KCTD8: variants seen among roughly 807,000 people sequenced by gnomAD.
The protein encoded by KCTD8 is potassium channel tetramerization domain containing 8, also known as BTB/POZ domain-containing protein KCTD8.
A neutral mutation model predicts 31.5 loss-of-function variants in KCTD8; 27 were observed. The ratio of observed to expected loss-of-function variants is 0.86; its 90% confidence interval spans 0.63 to 1.18. KCTD8 has a LOEUF of 1.18. Ranked by LOEUF, KCTD8 falls within the 50% of genes most tolerant of loss-of-function variation. KCTD8 has a pLI of 0.00. For missense variants in KCTD8, 658 were observed against 647.7 expected (o/e 1.02, Z -0.17); for synonymous variants, 290 against 280.0 (o/e 1.04, Z -0.36).
chr4:44,188,224 T>C (rs994006406), intron 1 of KCTD8, among the ~76,000 whole-genome samples: 2 of 152,176 alleles, frequency 1.3e-5, no homozygotes, highest in African/African-American at 4.8e-5. Flanking sequence ...TTCTTTTCAC[T>C]TTGAAATTTA....
intron 1 of KCTD8, among the ~76,000 whole-genome samples, chr4:44,359,318 C>T (rs1406588427): frequency 6.6e-6 from 1 of 151,958 alleles, no homozygotes; most frequent in Admixed American, 6.6e-5. Context: ...TATTAACTGG[C>T]TTTCCCTGAA....
chr4:44,438,008 C>T (rs1368542646), intron 1 of KCTD8, among the ~76,000 whole-genome samples: 1 of 152,076 alleles, frequency 6.6e-6, no homozygotes, highest in Non-Finnish European at 1.5e-5. Flanking sequence ...GCCACTGTAG[C>T]AACTTTTCTT....
chr4:44,358,681 G>C (rs974018994), intron 1 of KCTD8, among the ~76,000 whole-genome samples: 3 of 151,808 alleles, frequency 2.0e-5, no homozygotes, highest in African/African-American at 7.3e-5. Context: ...CCATTCTCCT[G>C]CCTCAGCCTC....
chr4:44,280,112 A>T (rs1250939144), intron 1 of KCTD8, among the ~76,000 whole-genome samples: 2 of 152,090 alleles, frequency 1.3e-5, no homozygotes, highest in African/African-American at 4.8e-5. Flanking sequence ...TAGGTAATTT[A>T]TAGTAGAGAG....
At chr4:44,389,106 T>C (rs1389727102) in intron 1 of KCTD8, among the ~76,000 whole-genome samples, 1 of 151,606 alleles carries the variant, frequency 6.6e-6, no homozygotes, top group African/African-American at 2.4e-5. Flanking sequence ...GAGAGCAGCA[T>C]GATGGTTACT....
chr4:44,303,787 TG>T (rs1422444111), intron 1 of KCTD8, among the ~76,000 whole-genome samples: 1 of 151,714 alleles, frequency 6.6e-6, no homozygotes, highest in East Asian at 1.9e-4. Context: ...CACTCCAGCC[TG>T]GGGGACAGAG....
chr4:44,186,720 G>A (rs1713600944), intron 1 of KCTD8, among the ~76,000 whole-genome samples: 1 of 152,166 alleles, frequency 6.6e-6, no homozygotes, highest in African/African-American at 2.4e-5. Flanking sequence ...GCCCTGCCAG[G>A]GGGACAAGGG....
chr4:44,427,684 T>C (rs73812287), intron 1 of KCTD8, among the ~76,000 whole-genome samples: 16,040 of 151,546 alleles, frequency 0.11, 1,783 homozygotes, highest in African/African-American at 0.27. Flanking sequence ...AAATAGTATA[T>C]AATATTAACA....
chr4:44,235,746 C>T (rs1182383200), intron 1 of KCTD8, among the ~76,000 whole-genome samples: 1 of 151,214 alleles, frequency 6.6e-6, no homozygotes, highest in East Asian at 2.0e-4. Flanking sequence ...TCATATATCT[C>T]TCAATTATAT....
chr4:44,210,483 A>C (rs1714449104), intron 1 of KCTD8, among the ~76,000 whole-genome samples: 1 of 152,218 alleles, frequency 6.6e-6, no homozygotes, highest in African/African-American at 2.4e-5. Flanking sequence ...TTGTTATAAA[A>C]GGAAGTGGTT....
intron 1 of KCTD8, among the ~76,000 whole-genome samples, chr4:44,364,771 T>C (rs1368036640): frequency 6.6e-6 from 1 of 151,812 alleles, no homozygotes; most frequent in Non-Finnish European, 1.5e-5. Context: ...GGAACTTAAA[T>C]ACATATTGCT....
At chr4:44,359,267 G>T (rs1719436375) in intron 1 of KCTD8, among the ~76,000 whole-genome samples, 1 of 151,250 alleles carries the variant, frequency 6.6e-6, no homozygotes, top group South Asian at 2.1e-4. Context: ...TATTGCCCAG[G>T]TTTTCTTCTA....
intron 1 of KCTD8, among the ~76,000 whole-genome samples, chr4:44,343,767 G>T (rs879382855): frequency 9.2e-5 from 14 of 152,152 alleles, no homozygotes; most frequent in African/African-American, 1.7e-4. Context: ...TTAGTAAACT[G>T]TAACAAAAAA....
chr4:44,268,494 T>A (rs1165778738), intron 1 of KCTD8, among the ~76,000 whole-genome samples: 1 of 152,188 alleles, frequency 6.6e-6, no homozygotes, highest in Admixed American at 6.5e-5. Flanking sequence ...AAGACAGGGA[T>A]GCCCTCTCTC....
chr4:44,269,178 G>C (rs1413210704), intron 1 of KCTD8, among the ~76,000 whole-genome samples: 2 of 152,142 alleles, frequency 1.3e-5, no homozygotes, highest in African/African-American at 4.8e-5. Flanking sequence ...GCATGGTACT[G>C]ATACCAAAAC....
chr4:44,325,724 G>A (rs1001362261), intron 1 of KCTD8, among the ~76,000 whole-genome samples: 1 of 151,868 alleles, frequency 6.6e-6, no homozygotes. Flanking sequence ...GATATTATCG[G>A]CAGGCTTGCT....
At chr4:44,332,263 T>G (rs1050096746) in intron 1 of KCTD8, among the ~76,000 whole-genome samples, 3 of 151,914 alleles carry the variant, frequency 2.0e-5, no homozygotes, top group Non-Finnish European at 4.4e-5. Context: ...TCAAATACAG[T>G]CTATACAGAA....
At chr4:44,266,586 G>T (rs1285896188) in intron 1 of KCTD8, among the ~76,000 whole-genome samples, 1 of 151,162 alleles carries the variant, frequency 6.6e-6, no homozygotes, top group Non-Finnish European at 1.5e-5. Context: ...CCAATTAAAA[G>T]ACACAGACTG....
intron 1 of KCTD8, among the ~76,000 whole-genome samples, chr4:44,181,858 C>G (rs532065331): frequency 6.6e-6 from 1 of 151,976 alleles, no homozygotes; most frequent in Admixed American, 6.5e-5. Context: ...TCTGCCCGGC[C>G]GCGACCCCGT....
Sources: allele counts gnomAD v4.1 joint callset (sites outside exome capture counted in the v4.1 genomes callset), GRCh38; gene constraint gnomAD v4.1.1; transcripts MANE v1.5; gene names NCBI Gene and HGNC (gene_info 2026-07-23, HGNC 2026-07-21).